The following EXOC4 variants were observed in gnomAD, a reference collection of about 807,000 sequenced individuals.
EXOC4 encodes the protein SEC8-like 1.
Under a neutral mutation model 107.2 loss-of-function variants are expected in EXOC4, and 71 were observed. That is an observed-to-expected ratio of 0.66 (90% confidence interval 0.55 to 0.81). The LOEUF (loss-of-function observed/expected upper bound fraction) is 0.81, where lower values mean the gene tolerates loss of function less well. Ranked by LOEUF, EXOC4 falls within the 30% of genes least tolerant of loss-of-function variation. The pLI, the probability that EXOC4 is intolerant of heterozygous loss-of-function variation, is 0.00. For synonymous variants in EXOC4, 456 were observed against 441.2 expected (o/e 1.03, Z -0.42); for missense variants, 1,108 against 1,189.6 (o/e 0.93, Z 1.01).
At chr7:133,659,546 T>C (rs1803388776) in intron 10 of EXOC4, among the ~76,000 whole-genome samples, 1 of 152,186 alleles carries the variant, frequency 6.6e-6, no homozygotes, top group Non-Finnish European at 1.5e-5. Flanking sequence ...TTTGCAGTGT[T>C]TGTCAAAGTG....
intron 9 of EXOC4, among the ~76,000 whole-genome samples, chr7:133,603,383 A>G (rs1247249515): frequency 6.6e-6 from 1 of 152,228 alleles, no homozygotes; most frequent in Non-Finnish European, 1.5e-5. Context: ...TTTCTCACTC[A>G]AAGATGGGGG....
chr7:133,331,734 T>C (rs1205199897), intron 5 of EXOC4, among the ~76,000 whole-genome samples: 5 of 152,134 alleles, frequency 3.3e-5, no homozygotes, highest in Non-Finnish European at 1.5e-5. Context: ...CAAAGTGAGG[T>C]ATTATCTTTA....
At chr7:133,886,893 C>A (rs17167333) in intron 11 of EXOC4, among the ~76,000 whole-genome samples, 23,042 of 152,108 alleles carry the variant, frequency 0.15, 2,048 homozygotes, top group African/African-American at 0.24. Context: ...ACTTTTTTCC[C>A]TGTAAAAATA....
chr7:133,347,888 C>A (rs1795822746), intron 5 of EXOC4, among the ~76,000 whole-genome samples: 1 of 152,126 alleles, frequency 6.6e-6, no homozygotes, highest in African/African-American at 2.4e-5. Flanking sequence ...GAAATCTTTA[C>A]TCATTAAGAC....
chr7:133,667,543 C>CT (rs1378144219), intron 10 of EXOC4, among the ~76,000 whole-genome samples: 1 of 152,182 alleles, frequency 6.6e-6, no homozygotes, highest in African/African-American at 2.4e-5. Context: ...GAGTGTAATA[C>CT]TTTCCTAAGC....
At chr7:133,411,360 A>G (rs1319965911) in intron 7 of EXOC4, among the ~76,000 whole-genome samples, 2 of 152,196 alleles carry the variant, frequency 1.3e-5, no homozygotes, top group African/African-American at 4.8e-5. Context: ...GCATCTTTGT[A>G]TATTCTGTAG....
chr7:134,056,460 T>A (rs555363597), intron 17 of EXOC4, among the ~76,000 whole-genome samples: 15 of 152,354 alleles, frequency 9.8e-5, no homozygotes, highest in African/African-American at 3.1e-4. Flanking sequence ...TCCATCAGAA[T>A]TGCCTTGGCA....
chr7:133,256,415 C>T (rs1795020586), intron 1 of EXOC4, among the ~76,000 whole-genome samples: 2 of 152,188 alleles, frequency 1.3e-5, no homozygotes, highest in Non-Finnish European at 2.9e-5. Flanking sequence ...AAGGAAAACC[C>T]ATGTTAGGCT....
intron 3 of EXOC4, among the ~76,000 whole-genome samples, chr7:133,294,811 A>G (rs999651444): frequency 2.6e-5 from 4 of 152,070 alleles, no homozygotes; most frequent in African/African-American, 9.7e-5. Flanking sequence ...AGTTAACAAG[A>G]TCCTTTGGAA....
chr7:134,090,940 G>C, the EXOC4 span, among the ~76,000 whole-genome samples: 2 of 151,816 alleles, frequency 1.3e-5, no homozygotes, highest in Non-Finnish European at 2.9e-5. Flanking sequence ...TGTAAGTTGA[G>C]CCTCTAACCC....
chr7:134,047,074 GAAATA>G (rs561849205), intron 17 of EXOC4, among the ~76,000 whole-genome samples: 161 of 152,248 alleles, frequency 1.1e-3, no homozygotes, highest in African/African-American at 3.6e-3. Context: ...TGGCTCTTCA[GAAATA>G]AAATATCTTT....
At position 133,364,056 on chromosome 7, in the gene EXOC4, CTG is replaced by C. The variant is rs1359912337; in HGVS notation, c.1007+7486_1007+7487del. On this transcript the variant is annotated intron_variant, in intron 6 of 17. Transcript: ENST00000253861. ...TGCTATAGTCTCTAATCAGATTGGA[CTG>C]TGAGTTTATAAGGGGAGGTAACTTT... 3.3e-5 allele frequency among the ~76,000 whole-genome samples: 5 copies of C among 152,078 alleles called. 1 individual carries two copies. The East Asian group carries it at 9.6e-4, about 29-fold the overall frequency.
chr7:133,320,143 A>C (rs959394309), intron 5 of EXOC4, among the ~76,000 whole-genome samples: 1 of 152,112 alleles, frequency 6.6e-6, no homozygotes, highest in Non-Finnish European at 1.5e-5. Flanking sequence ...TCTTCTAACC[A>C]GTTTGTTTTG....
At chr7:133,482,542 G>A (rs554664070) in intron 9 of EXOC4, among the ~76,000 whole-genome samples, 1 of 152,288 alleles carries the variant, frequency 6.6e-6, no homozygotes, top group Non-Finnish European at 1.5e-5. Context: ...TCTCTTGAGA[G>A]ACAGTATAGG....
At chr7:133,879,735 C>T (rs1798925652) in intron 11 of EXOC4, among the ~76,000 whole-genome samples, 1 of 152,164 alleles carries the variant, frequency 6.6e-6, no homozygotes, top group African/African-American at 2.4e-5. Flanking sequence ...CATAGACTAT[C>T]TATATATTTA....
intron 10 of EXOC4, among the ~76,000 whole-genome samples, chr7:133,648,372 A>G (rs747173165): frequency 3.3e-5 from 5 of 152,040 alleles, no homozygotes; most frequent in Admixed American, 6.6e-5. Context: ...GAGAGCATAC[A>G]CTTCCCTACA....
At chr7:133,876,638 C>A (rs1024714114) in intron 11 of EXOC4, among the ~76,000 whole-genome samples, 1 of 151,972 alleles carries the variant, frequency 6.6e-6, no homozygotes. Flanking sequence ...TAGTCAGATG[C>A]CTTACTGTGA....
intron 14 of EXOC4, among the ~76,000 whole-genome samples, chr7:133,969,026 G>A (rs1801138016): frequency 6.6e-6 from 1 of 152,050 alleles, no homozygotes; most frequent in African/African-American, 2.4e-5. Context: ...TTTCTTAGAG[G>A]CTTTGATCGT....
chr7:133,579,742 A>AGT (rs1038266188), intron 9 of EXOC4, among the ~76,000 whole-genome samples: 2 of 150,066 alleles, frequency 1.3e-5, no homozygotes, highest in African/African-American at 4.9e-5. Context: ...GCTGGAGTAC[A>AGT]GTGGCATGAT....
Sources: gnomAD v4.1 joint callset for allele counts (sites outside exome capture counted in the v4.1 genomes callset) on GRCh38, gnomAD v4.1.1 for gene constraint, MANE v1.5 for transcripts, NCBI Gene and HGNC (gene_info 2026-07-23, HGNC 2026-07-21) for gene names.